Variants in CHRM2 observed in about 807,000 individuals in gnomAD.
CHRM2 encodes cholinergic receptor muscarinic 2, also known as muscarinic acetylcholine receptor M2.
CHRM2 carries 8 observed loss-of-function variants against 25.0 expected under a neutral mutation model. The ratio of observed to expected loss-of-function variants is 0.32; its 90% confidence interval spans 0.19 to 0.58. The LOEUF is 0.58. Among genes scored for constraint, CHRM2 ranks in the 20% least tolerant of loss-of-function variants. CHRM2 has a pLI of 0.88. For synonymous variants in CHRM2, 202 were observed against 205.7 expected, an observed-to-expected ratio of 0.98 and a Z score of 0.15; for missense variants, 440 against 567.1, an observed-to-expected ratio of 0.78 and a Z score of 2.28.
intron 2 of CHRM2, chr7:136,950,855 T>C (rs1408794366): frequency 1.3e-5 from 2 of 152,424 alleles, no homozygotes; most frequent in East Asian, 3.9e-4. Context: ...TTGCTCTGTA[T>C]CTCAGGTTAC....
At chr7:136,959,471 G>A (rs1800932303) in intron 2 of CHRM2, among the ~76,000 whole-genome samples, 1 of 152,184 alleles carries the variant, frequency 6.6e-6, no homozygotes, top group South Asian at 2.1e-4. Context: ...TAAATGTAGA[G>A]GTTGGTAAAA....
At chr7:136,878,776 AGAGT>A (rs1301730081) in intron 2 of CHRM2, among the ~76,000 whole-genome samples, 1 of 151,928 alleles carries the variant, frequency 6.6e-6, no homozygotes, top group Non-Finnish European at 1.5e-5. Context: ...TCCAGGTCTA[AGAGT>A]GAGTATGTGG....
intron 2 of CHRM2, among the ~76,000 whole-genome samples, chr7:136,960,757 T>C (rs1342532746): frequency 6.6e-6 from 1 of 152,234 alleles, no homozygotes; most frequent in East Asian, 1.9e-4. Context: ...ATCTCATAAG[T>C]ACAGACATAA....
chr7:136,971,715 G>A (rs1212768926), intron 2 of CHRM2, among the ~76,000 whole-genome samples: 1 of 151,330 alleles, frequency 6.6e-6, no homozygotes, highest in Non-Finnish European at 1.5e-5. Flanking sequence ...AATATATTAA[G>A]GAAAAGATGA....
Position 136,984,378 on chromosome 7 carries a change from C to T in CHRM2, c.-124-7809C>T, listed in dbSNP as rs555206405. ...CAGTGGATCTTAGCTTGCTGGGCTC[C>T]GTGGGTGTGGGATTTACTGAGCAAG... On this transcript the variant is annotated intron_variant, in intron 2 of 3. Coordinates refer to ENST00000680005, the MANE Select transcript of CHRM2 (RefSeq NM_001006630.2). Among the ~76,000 whole-genome samples, 6 of 152,142 alleles carry T rather than the reference C, an allele frequency of 3.9e-5. No individual in the cohort carries two copies. The South Asian group carries it at 1.0e-3, about 26-fold the overall frequency.
chr7:136,902,509 G>C (rs1342552762), intron 2 of CHRM2: 1 of 151,980 alleles, frequency 6.6e-6, no homozygotes, highest in East Asian at 1.9e-4. Context: ...AAGCTGGTGG[G>C]ATAGGGTATT....
At chr7:136,883,908 T>C (rs1285702602) in intron 2 of CHRM2, among the ~76,000 whole-genome samples, 1 of 152,158 alleles carries the variant, frequency 6.6e-6, no homozygotes, top group Non-Finnish European at 1.5e-5. Context: ...CCTGGTTCAA[T>C]GAGTTACTCT....
chr7:136,987,200 AC>A (rs1170502115), intron 2 of CHRM2, among the ~76,000 whole-genome samples: 1 of 151,792 alleles, frequency 6.6e-6, no homozygotes, highest in Non-Finnish European at 1.5e-5. Flanking sequence ...TTCCTCTGTG[AC>A]CCTGCTCCAG....
At position 137,015,796 on chromosome 7, in the gene CHRM2, T is replaced by A; in HGVS notation, c.931T>A (p.Ser311Thr). 1 of 1,613,092 alleles carries A rather than the reference T, an allele frequency of 6.2e-7. No homozygotes were observed. The highest frequency in any genetic ancestry group is 8.5e-7 in the Non-Finnish European group (1 of 1,179,458). ...CCAGGATGAAAACACAGTTTCCACTTCCCTGGGCCATTCCAAAGATGAGAA... is the reference window on the plus strand; with the variant it reads ...CCAGGATGAAAACACAGTTTCCACTACCCTGGGCCATTCCAAAGATGAGAA... The part of the protein sequence containing the change: ...ITQDENTVST[S>T]LGHSKDENSK... The change falls in exon 4 of 4, where the codon TCC becomes ACC. Residue 311 changes from serine (S) to threonine (T), a missense_variant. By Grantham distance (58) the Ser-to-Thr change is moderately conservative (BLOSUM62 1). This residue lies in a region of CHRM2 where 261 missense variants were observed against 261.8 expected (regional missense o/e 1.00). Coordinates refer to ENST00000680005, the MANE Select transcript of CHRM2 (RefSeq NM_001006630.2). This position sits in a 1 kb window ranked among gnomAD's most constrained non-coding sequence, Gnocchi z 5.1.
In CHRM2 at chr7:137,016,056, C is replaced by G. The variant is rs1217957423; in HGVS notation, c.1191C>G (p.Ile397Met). 5 of 1,612,754 alleles carry G rather than the reference C, an allele frequency of 3.1e-6. No homozygotes were observed. The highest frequency in any genetic ancestry group is 4.2e-6 in the Non-Finnish European group (5 of 1,179,304). ...TCTTGGCTATTCTGTTGGCTTTCATCATCACTTGGGCCCCATACAATGTCA... is the reference window on the plus strand; with the variant it reads ...TCTTGGCTATTCTGTTGGCTTTCATGATCACTTGGGCCCCATACAATGTCA... ...RTILAILLAF[I>M]ITWAPYNVMV... The change falls in exon 4 of 4, where the codon ATC (isoleucine) becomes ATG (methionine). Residue 397 changes from isoleucine to methionine, a missense_variant. Physicochemically the swap from Ile to Met is conservative, Grantham distance 10. This residue lies in a region of CHRM2 where 65 missense variants were observed against 108.9 expected (regional missense o/e 0.60). Transcript: ENST00000680005.
chr7:136,930,927 A>G (rs111458469), intron 2 of CHRM2, among the ~76,000 whole-genome samples: 4,974 of 138,558 alleles, frequency 0.036, 163 homozygotes, highest in Non-Finnish European at 0.054. Context: ...AAAAAAAAAA[A>G]GGATAGAAAG....
intron 3 of CHRM2, among the ~76,000 whole-genome samples, chr7:137,011,803 C>T (rs1263216862): frequency 6.6e-6 from 1 of 151,954 alleles, no homozygotes; most frequent in Non-Finnish European, 1.5e-5. Flanking sequence ...GTGATGGTTC[C>T]ACCTAACATG....
chr7:136,961,351 G>A (rs145236735), intron 2 of CHRM2, among the ~76,000 whole-genome samples: 55 of 152,196 alleles, frequency 3.6e-4, no homozygotes, highest in African/African-American at 1.1e-3. Flanking sequence ...TATGATGTTT[G>A]GTATGTTGAC....
intron 2 of CHRM2, among the ~76,000 whole-genome samples, chr7:136,979,940 T>C (rs991231945): frequency 6.6e-6 from 1 of 152,206 alleles, no homozygotes; most frequent in African/African-American, 2.4e-5. Context: ...TCTTTTTTGG[T>C]TCCATATAAA....
At chr7:136,870,846 C>T (rs1314898233) in intron 2 of CHRM2, 1 of 152,340 alleles carries the variant, frequency 6.6e-6, no homozygotes, top group Non-Finnish European at 1.5e-5. Context: ...AAGAAGAGCG[C>T]GGCGCCTCCC....
intron 2 of CHRM2, among the ~76,000 whole-genome samples, chr7:136,880,424 G>C (rs1404221243): frequency 6.6e-6 from 1 of 151,772 alleles, no homozygotes; most frequent in African/African-American, 2.4e-5. Flanking sequence ...ATATTAGTGT[G>C]ACTTACTCAT....
chr7:136,908,364 T>C (rs1413462340), intron 2 of CHRM2, among the ~76,000 whole-genome samples: 1 of 151,966 alleles, frequency 6.6e-6, no homozygotes, highest in Non-Finnish European at 1.5e-5. Flanking sequence ...ACTTTAGCAT[T>C]AGCATGTTTG....
chr7:136,963,423 T>C (rs1362089597), intron 2 of CHRM2, among the ~76,000 whole-genome samples: 1 of 152,178 alleles, frequency 6.6e-6, no homozygotes, highest in Non-Finnish European at 1.5e-5. Flanking sequence ...AAGCACTGAT[T>C]GCACTGCAAT....
chr7:136,887,514 C>T (rs570151700), intron 2 of CHRM2, among the ~76,000 whole-genome samples: 1 of 152,194 alleles, frequency 6.6e-6, no homozygotes, highest in South Asian at 2.1e-4. Context: ...TGTGCCATTG[C>T]CTGAAATACC....
Sources: allele counts gnomAD v4.1 joint callset (sites outside exome capture counted in the v4.1 genomes callset), GRCh38; gene constraint gnomAD v4.1.1; regional missense constraint gnomAD v4.1.1; non-coding constraint Gnocchi (gnomAD v3.1); transcripts MANE v1.5; gene names NCBI Gene and HGNC (gene_info 2026-07-23, HGNC 2026-07-21).